CTNNA2: variants seen among roughly 807,000 people sequenced by gnomAD.
CTNNA2 encodes the protein catenin alpha 2, also known as catenin alpha-2.
CTNNA2 carries 42 observed loss-of-function variants against 101.0 expected under a neutral mutation model. The observed-to-expected ratio is 0.42, with a 90% CI of 0.32 to 0.54. CTNNA2 has a LOEUF of 0.54. CTNNA2 is among the 20% of genes least tolerant of loss of function. The probability of loss-of-function intolerance (pLI) is 0.14; values close to 1 mark genes in which losing one functional copy is unlikely to be tolerated. For synonymous variants in CTNNA2, 450 were observed against 456.4 expected (o/e 0.99, Z 0.18); for missense variants, 871 against 1,223.1 (o/e 0.71, Z 4.29).
chr2:79,834,464 C>G (rs952342056), intron 3 of CTNNA2, among the ~76,000 whole-genome samples: 1 of 151,988 alleles, frequency 6.6e-6, no homozygotes, highest in Non-Finnish European at 1.5e-5. Flanking sequence ...TTTATGGGTG[C>G]AAAATTATAT....
intron 7 of CTNNA2, among the ~76,000 whole-genome samples, chr2:80,375,877 A>G (rs1272610850): frequency 6.6e-6 from 1 of 151,878 alleles, no homozygotes; most frequent in Non-Finnish European, 1.5e-5. Flanking sequence ...AGTCAGACTT[A>G]TAGCTGGTTT....
chr2:79,840,913 G>A (rs1408763548), intron 3 of CTNNA2, among the ~76,000 whole-genome samples: 2 of 152,136 alleles, frequency 1.3e-5, no homozygotes, highest in Non-Finnish European at 2.9e-5. Flanking sequence ...GGGACTACAG[G>A]CGCCCGCCAC....
At chr2:79,683,276 G>C (rs1292499335) in intron 2 of CTNNA2, among the ~76,000 whole-genome samples, 1 of 152,134 alleles carries the variant, frequency 6.6e-6, no homozygotes, top group Non-Finnish European at 1.5e-5. Context: ...TCTCCTTAGG[G>C]CCTTTCTAGA....
In CTNNA2 at chr2:79,289,167, T is replaced by A. The variant is rs143172264; in HGVS notation, c.-405-23542T>A. On this transcript the variant is annotated intron_variant, in intron 2 of 21. Coordinates refer to the CTNNA2 transcript ENST00000466387. ...CTCAGTGATTTGTCATTATTGTCTT[T>A]GTGATTCGAGAGGGTGGACTATAGA... Among the ~76,000 whole-genome samples, 728 of 152,326 alleles carry A rather than the reference T, an allele frequency of 4.8e-3. 9 individuals are homozygous for A. The highest frequency in any genetic ancestry group is 6.8e-3 in the Middle Eastern group (2 of 294).
At chr2:80,419,382 GA>G (rs1210507239) in intron 8 of CTNNA2, 66 bp from the exon 9 acceptor site, 38 of 1,336,668 alleles carry the variant, frequency 2.8e-5, no homozygotes, top group Middle Eastern at 3.9e-4. Flanking sequence ...AAACAGTTTA[GA>G]AAAAAAATGG....
At chr2:79,243,429 T>G (rs759367188) in intron 2 of CTNNA2, among the ~76,000 whole-genome samples, 3 of 152,204 alleles carry the variant, frequency 2.0e-5, no homozygotes, top group Non-Finnish European at 4.4e-5. Context: ...TAATATTCTC[T>G]GAAGGGAGGG....
At position 80,638,004 on chromosome 2, in the gene CTNNA2, T is replaced by C. The variant is rs555740502; in HGVS notation, c.2575-9581T>C. On this transcript the variant is annotated intron_variant, in intron 18 of 18. Coordinates refer to ENST00000402739, the MANE Select transcript of CTNNA2 (RefSeq NM_001282597.3). Reference sequence around the variant, plus strand: ...GAAAGGGTGGGGTCATTTAGTGACTTTGATCCATTTTATGAAAACATATTT... The same window carrying C: ...GAAAGGGTGGGGTCATTTAGTGACTCTGATCCATTTTATGAAAACATATTT... 1.8e-3 allele frequency among the ~76,000 whole-genome samples: 272 copies of C among 152,282 alleles called. 1 individual carries two copies. Among genetic ancestry groups the C allele is most frequent in the Non-Finnish European group, 3.1e-3 (209 of 68,022 alleles).
At chr2:80,589,250 C>A (rs78406653) in intron 14 of CTNNA2, 54 bp from the exon 15 acceptor site, 1 of 1,567,188 alleles carries the variant, frequency 6.4e-7, no homozygotes. Context: ...AGTCAACATA[C>A]GGTCTGTACT....
chr2:79,868,426 G>A (rs2104013593), intron 4 of CTNNA2, among the ~76,000 whole-genome samples: 1 of 152,226 alleles, frequency 6.6e-6, no homozygotes, highest in South Asian at 2.1e-4. Flanking sequence ...ACATATCTCT[G>A]GGACAAAAGG....
intron 7 of CTNNA2, among the ~76,000 whole-genome samples, chr2:80,079,828 T>TAAATAAAATAAAATAAATAAAATA (rs1699009671): frequency 8.3e-6 from 1 of 120,088 alleles, no homozygotes; most frequent in Non-Finnish European, 1.7e-5. Context: ...TAAAATAAAA[T>TAAATAAAATAAAATAAATAAAATA]AAATAAAATA....
chr2:79,586,934 G>T (rs1676533164), intron 1 of CTNNA2, among the ~76,000 whole-genome samples: 1 of 150,964 alleles, frequency 6.6e-6, no homozygotes, highest in Non-Finnish European at 1.5e-5. Context: ...GTTTTCCATT[G>T]CTGAGTTACT....
In CTNNA2 at chr2:80,135,723, C is replaced by T. The variant is rs569356570; in HGVS notation, c.1056+225926C>T. 2.4e-3 allele frequency among the ~76,000 whole-genome samples: 363 copies of T among 152,264 alleles called. 2 individuals carry two copies. Among genetic ancestry groups the T allele is most frequent in the South Asian group, 9.9e-3 (48 of 4,830 alleles). ...GACAGTCCTGTTCTTCAGGAATTTA[C>T]AGTCTAGACTCCAGAAACTGCATTG... On this transcript the variant is annotated intron_variant, in intron 7 of 18. Transcript: ENST00000402739.
intron 7 of CTNNA2, among the ~76,000 whole-genome samples, chr2:80,019,377 G>T (rs1694389025): frequency 6.6e-6 from 1 of 152,158 alleles, no homozygotes; most frequent in African/African-American, 2.4e-5. Flanking sequence ...TTATTAAGGA[G>T]AAATTGTATC....
chr2:80,603,983 C>A, intron 15 of CTNNA2, 91 bp from the exon 16 acceptor site: 3 of 1,063,838 alleles, frequency 2.8e-6, no homozygotes, highest in South Asian at 1.5e-5. Flanking sequence ...AAATAAAATA[C>A]AACACTAGAC....
intron 9 of CTNNA2, among the ~76,000 whole-genome samples, chr2:80,456,767 G>T (rs900398765): frequency 4.6e-5 from 7 of 152,080 alleles, no homozygotes; most frequent in Non-Finnish European, 1.5e-5. Context: ...GGCACCTGAG[G>T]GAATTAGATG....
intron 3 of CTNNA2, among the ~76,000 whole-genome samples, chr2:79,332,061 T>C (rs567678910): frequency 1.3e-5 from 2 of 152,240 alleles, no homozygotes; most frequent in African/African-American, 4.8e-5. Flanking sequence ...GCAAAATTAG[T>C]ACTTAACATT....
intron 7 of CTNNA2, among the ~76,000 whole-genome samples, chr2:80,159,688 G>T (rs1704194369): frequency 6.6e-6 from 1 of 151,962 alleles, no homozygotes; most frequent in Non-Finnish European, 1.5e-5. Flanking sequence ...TGGTCAGGCT[G>T]GTCTCGAACT....
chr2:79,585,131 T>C (rs1221781883), intron 1 of CTNNA2, among the ~76,000 whole-genome samples: 1 of 152,190 alleles, frequency 6.6e-6, no homozygotes, highest in East Asian at 1.9e-4. Context: ...TCATTAAATA[T>C]ACATTTGAAA....
intron 7 of CTNNA2, among the ~76,000 whole-genome samples, chr2:80,212,577 C>T (rs1019289807): frequency 7.9e-5 from 12 of 152,104 alleles, no homozygotes; most frequent in Non-Finnish European, 1.6e-4. Flanking sequence ...CCAACTTGAT[C>T]GTGGTGGATA....
Sources: allele counts gnomAD v4.1 joint callset (sites outside exome capture counted in the v4.1 genomes callset), GRCh38; gene constraint gnomAD v4.1.1; transcripts MANE v1.5; gene names NCBI Gene and HGNC (gene_info 2026-07-23, HGNC 2026-07-21).